GXYLT1: variants seen among roughly 807,000 people sequenced by gnomAD.
The protein encoded by GXYLT1 is glucoside xylosyltransferase 1.
A neutral mutation model predicts 54.0 loss-of-function variants in GXYLT1; 29 were observed. The ratio of observed to expected loss-of-function variants is 0.54; its 90% CI spans 0.40 to 0.73. GXYLT1 has a LOEUF of 0.73. Ranked by LOEUF, GXYLT1 falls within the 30% of genes least tolerant of loss-of-function variation. The pLI is 0.00. For synonymous variants in GXYLT1, 176 were observed against 204.1 expected (o/e 0.86, Z 1.17); for missense variants, 490 against 553.4 (o/e 0.89, Z 1.15).
chr12:42,111,603 G>A (rs566967863), intron 3 of GXYLT1, among the ~76,000 whole-genome samples: 18 of 152,348 alleles, frequency 1.2e-4, no homozygotes, highest in African/African-American at 3.8e-4. Context: ...CCATTGCCAA[G>A]TTAGTTGTTT....
intron 4 of GXYLT1, among the ~76,000 whole-genome samples, chr12:42,109,127 G>T (rs1447391137): frequency 6.6e-6 from 1 of 152,108 alleles, no homozygotes; most frequent in East Asian, 1.9e-4. Context: ...AGTTACAATA[G>T]ATAAATTGGC....
chr12:42,101,272 A>G (rs2065388360), intron 5 of GXYLT1, among the ~76,000 whole-genome samples: 1 of 152,204 alleles, frequency 6.6e-6, no homozygotes, highest in African/African-American at 2.4e-5. Flanking sequence ...CCATTCACAA[A>G]AGAAGAAACA....
At chr12:42,144,335 C>T (rs2065667954) in intron 1 of GXYLT1, 91 bp downstream of exon 1, 12 of 766,034 alleles carry the variant, frequency 1.6e-5, no homozygotes, top group Admixed American at 1.4e-4. Context: ...GCGGGAGACG[C>T]GGCACCCACC....
intron 7 of GXYLT1, among the ~76,000 whole-genome samples, chr12:42,088,532 C>G (rs921427274): frequency 6.6e-6 from 1 of 152,094 alleles, no homozygotes; most frequent in Admixed American, 6.6e-5. Flanking sequence ...AAAAGTAAAA[C>G]AGAAAATAAA....
At chr12:42,099,809 C>T (rs2065379157) in intron 5 of GXYLT1, among the ~76,000 whole-genome samples, 1 of 152,092 alleles carries the variant, frequency 6.6e-6, no homozygotes, top group African/African-American at 2.4e-5. Flanking sequence ...CAAGATTGTG[C>T]CACTGCACTC....
intron 5 of GXYLT1, among the ~76,000 whole-genome samples, chr12:42,100,209 G>A (rs1216412468): frequency 6.6e-6 from 1 of 152,128 alleles, no homozygotes; most frequent in Non-Finnish European, 1.5e-5. Context: ...ACTATCCAGA[G>A]TAAAAACCAG....
rs1217866750 is a variant in GXYLT1 at position 42,144,701 on chromosome 12, G to A, written c.-55C>T. ...GCCGCCGCGCCCGCCCCGACGAACTGGAGCGGAGGGAGGGGCACCGCGCAG... is the reference window on the plus strand; with the variant it reads ...GCCGCCGCGCCCGCCCCGACGAACTAGAGCGGAGGGAGGGGCACCGCGCAG... On this transcript the variant is annotated 5_prime_UTR_variant, in exon 1 of 8. Transcript: ENST00000398675. The A allele has an allele frequency of 1.8e-6, 2 of 1,130,344 alleles. No homozygotes were observed. Among genetic ancestry groups the A allele is most frequent in the East Asian group, 3.3e-5 (1 of 30,450 alleles). The allele number at this position is 1,130,344 out of a possible 1,614,324, so 70.0% of individuals were successfully genotyped here.
At chr12:42,112,530 G>C (rs1048709264) in intron 3 of GXYLT1, among the ~76,000 whole-genome samples, 1 of 152,182 alleles carries the variant, frequency 6.6e-6, no homozygotes, top group African/African-American at 2.4e-5. Flanking sequence ...CCAACTGGAA[G>C]AAAGGGTATC....
At chr12:42,140,574 A>C (rs78877327) in intron 1 of GXYLT1, among the ~76,000 whole-genome samples, 1 of 113,854 alleles carries the variant, frequency 8.8e-6, no homozygotes, top group African/African-American at 3.0e-5. Flanking sequence ...TCAACACAGT[A>C]AGTGGCAAAG....
chr12:42,102,448 C>G (rs1405057171), intron 5 of GXYLT1, among the ~76,000 whole-genome samples: 4 of 152,132 alleles, frequency 2.6e-5, no homozygotes, highest in Non-Finnish European at 5.9e-5. Flanking sequence ...TCATTAATGG[C>G]CTAGTTTCTA....
chr12:42,125,835 C>A (rs1000057471), intron 2 of GXYLT1, among the ~76,000 whole-genome samples: 3 of 151,712 alleles, frequency 2.0e-5, no homozygotes, highest in Non-Finnish European at 4.4e-5. Context: ...GGCAACATAG[C>A]GAGACAGCGA....
At chr12:42,095,354 C>T (rs1628339) in intron 7 of GXYLT1, among the ~76,000 whole-genome samples, 2,999 of 151,908 alleles carry the variant, frequency 0.02, 114 homozygotes, top group African/African-American at 0.068. Context: ...ATAATTCAAG[C>T]TATTGGAAAC....
At chr12:42,135,404 AT>A (rs1487190422) in intron 1 of GXYLT1, among the ~76,000 whole-genome samples, 1 of 152,250 alleles carries the variant, frequency 6.6e-6, no homozygotes, top group East Asian at 1.9e-4. Context: ...AAAGTGTGTA[AT>A]TCAATGGTTT....
At chr12:42,109,449 T>G (rs969348193) in intron 4 of GXYLT1, 117 bp downstream of exon 4, 2 of 688,318 alleles carry the variant, frequency 2.9e-6, no homozygotes, top group African/African-American at 3.8e-5. Flanking sequence ...TGATTTCTAT[T>G]TACTAATTTA....
At chr12:42,142,579 A>C (rs966175643) in intron 1 of GXYLT1, among the ~76,000 whole-genome samples, 1 of 152,096 alleles carries the variant, frequency 6.6e-6, no homozygotes, top group Admixed American at 6.6e-5. Flanking sequence ...GCCTCCAGCA[A>C]TCAATCATCC....
At chr12:42,125,843 C>A (rs28583216) in intron 2 of GXYLT1, among the ~76,000 whole-genome samples, 1 of 151,786 alleles carries the variant, frequency 6.6e-6, no homozygotes, top group Non-Finnish European at 1.5e-5. Context: ...AGCGAGACAG[C>A]GAGACCTTGT....
intron 3 of GXYLT1, among the ~76,000 whole-genome samples, chr12:42,114,409 A>T (rs1467422373): frequency 6.6e-6 from 1 of 152,216 alleles, no homozygotes; most frequent in Admixed American, 6.5e-5. Context: ...GAAAAGAGAG[A>T]AGAATCAAAT....
At chr12:42,143,870 G>A (rs539598721) in intron 1 of GXYLT1, among the ~76,000 whole-genome samples, 210 of 152,272 alleles carry the variant, frequency 1.4e-3, no homozygotes, top group Non-Finnish European at 2.2e-3. Flanking sequence ...TAAACTGAGT[G>A]TTTCCAAAAG....
chr12:42,119,160 TTCAGAC>T lies in GXYLT1; in HGVS notation c.320_325del (p.Ser107_Leu108del), dbSNP rs1207821893. 6.2e-7 allele frequency: 1 copy of T among 1,613,788 alleles called. No individual in the cohort carries two copies. The highest frequency in any genetic ancestry group is 8.5e-7 in the Non-Finnish European group (1 of 1,179,804). On this transcript the variant is annotated inframe_deletion, in exon 3 of 8. Coordinates refer to ENST00000398675, the MANE Select transcript of GXYLT1 (RefSeq NM_173601.2). ...ATGCATTTTCTCAACAGGCTGTATTTTCAGACTGTACCTAATAGGAAAGAAAACCAC... is the reference window on the plus strand; with the variant it reads ...ATGCATTTTCTCAACAGGCTGTATTTTGTACCTAATAGGAAAGAAAACCAC...
Sources: gnomAD v4.1 joint callset for allele counts (sites outside exome capture counted in the v4.1 genomes callset) on GRCh38, gnomAD v4.1.1 for gene constraint, MANE v1.5 for transcripts, NCBI Gene and HGNC (gene_info 2026-07-23, HGNC 2026-07-21) for gene names.